The following DENND2A variants were observed in gnomAD, a reference collection of about 807,000 sequenced individuals.
The protein encoded by DENND2A is DENN domain containing 2A, also known as DENN domain-containing protein 2A.
Under a neutral mutation model 105.3 loss-of-function variants are expected in DENND2A, and 53 were observed. That is an observed-to-expected ratio of 0.50 (90% confidence interval 0.40 to 0.63). DENND2A has a LOEUF of 0.63. DENND2A is among the 30% of genes least tolerant of loss of function. DENND2A has a pLI of 0.00. For synonymous variants in DENND2A, 522 were observed against 508.4 expected, an observed-to-expected ratio of 1.03 and a Z score of -0.36; for missense variants, 1,138 against 1,279.6, an observed-to-expected ratio of 0.89 and a Z score of 1.69.
intron 6 of DENND2A, among the ~76,000 whole-genome samples, 196 bp downstream of exon 6, chr7:140,573,612 A>G (rs1798181991): frequency 6.6e-6 from 1 of 152,118 alleles, no homozygotes; most frequent in Non-Finnish European, 1.5e-5. Flanking sequence ...TAAGAGGAAG[A>G]CCACAGGACC....
rs186466777 is a variant in DENND2A, at chr7:140,631,264, C to T, written c.-248+9240G>A. On this transcript the variant is annotated intron_variant, in intron 1 of 19. Transcript: ENST00000496613. ...GTGGGGAAGGAACATGTGGATCTGC[C>T]TCGTGGGACTCTTGCATTTGTTCTG... 1.3e-3 allele frequency among the ~76,000 whole-genome samples: 205 copies of T among 152,240 alleles called. 1 individual carries two copies. The highest frequency in any genetic ancestry group is 4.8e-3 in the African/African-American group (198 of 41,548).
chr7:140,593,433 C>G (rs971874297), intron 3 of DENND2A, among the ~76,000 whole-genome samples: 6 of 152,204 alleles, frequency 3.9e-5, no homozygotes, highest in Non-Finnish European at 7.3e-5. Flanking sequence ...GCGTTATAAC[C>G]TATGTAATAG....
intron 5 of DENND2A, 77 bp from the exon 6 acceptor site, chr7:140,574,085 A>T (rs1159529604): frequency 1.1e-5 from 17 of 1,530,162 alleles, no homozygotes; most frequent in Non-Finnish European, 1.5e-5. Context: ...GGTGCCAGGG[A>T]CGAGACAATG....
intron 5 of DENND2A, among the ~76,000 whole-genome samples, chr7:140,578,709 C>T (rs1335633791): frequency 3.9e-5 from 6 of 151,910 alleles, no homozygotes; most frequent in East Asian, 1.9e-4. Context: ...GGCGAAACCC[C>T]GTCTCTACTA....
intron 14 of DENND2A, among the ~76,000 whole-genome samples, chr7:140,528,518 C>CCAGCACTTTGGGAGGCCGAGGTGAG (rs1266962049): frequency 3.3e-5 from 5 of 151,812 alleles, no homozygotes; most frequent in South Asian, 2.1e-4. Context: ...GCCTGTAATC[C>CCAGCACTTTGGGAGGCCGAGGTGAG]CAGCACTTTG....
At chr7:140,631,620 C>T (rs576956427) in intron 1 of DENND2A, among the ~76,000 whole-genome samples, 2 of 152,242 alleles carry the variant, frequency 1.3e-5, no homozygotes, top group East Asian at 3.9e-4. Flanking sequence ...CACTGGTCCC[C>T]TTCTGATATC....
intron 13 of DENND2A, among the ~76,000 whole-genome samples, chr7:140,545,848 G>C (rs974739661): frequency 6.6e-6 from 1 of 152,158 alleles, no homozygotes; most frequent in Non-Finnish European, 1.5e-5. Flanking sequence ...TTCCTCTCCA[G>C]TAACCTCCCT....
chr7:140,600,423 G>T (rs1394445831), intron 3 of DENND2A, among the ~76,000 whole-genome samples: 2 of 151,992 alleles, frequency 1.3e-5, no homozygotes, highest in African/African-American at 4.8e-5. Context: ...ATAGGTTCGG[G>T]GTGTGCTCTG....
rs1563195404 is a variant in DENND2A, at chr7:140,640,099, GCACACACTCACA to G, written c.-248+393_-248+404del. 6.5e-6 allele frequency: 1 copy of G among 152,718 alleles called. No homozygotes were observed. 9.5% of individuals were successfully genotyped at this position (152,718 alleles called of 1,614,324 possible). On this transcript the variant is annotated intron_variant, in intron 1 of 19. Transcript: ENST00000496613. This position sits in a 1 kb window ranked among gnomAD's most constrained non-coding sequence, Gnocchi z 4.9. ...CGATGCCCCGCGCTTGCACGCGCAC[GCACACACTCACA>G]CACACTCGCACAGACACACTCACAC...
chr7:140,597,764 C>G (rs1799339915), intron 3 of DENND2A, among the ~76,000 whole-genome samples: 1 of 152,240 alleles, frequency 6.6e-6, no homozygotes, highest in Non-Finnish European at 1.5e-5. Flanking sequence ...GGTGTGGGAC[C>G]TCCTTGGAGG....
chr7:140,632,554 C>A (rs1800767974), intron 1 of DENND2A, among the ~76,000 whole-genome samples: 1 of 152,182 alleles, frequency 6.6e-6, no homozygotes, highest in South Asian at 2.1e-4. Flanking sequence ...CATCAATTAA[C>A]AACTTACTTT....
At chr7:140,555,135 CTTTTT>C (rs11308626) in intron 12 of DENND2A, among the ~76,000 whole-genome samples, 2 of 118,462 alleles carry the variant, frequency 1.7e-5, no homozygotes, top group Non-Finnish European at 3.6e-5. Context: ...TTCATTAACT[CTTTTT>C]TTTTTTTTTT....
chr7:140,585,513 T>G, intron 5 of DENND2A, 76 bp downstream of exon 5: 1 of 1,589,522 alleles, frequency 6.3e-7, no homozygotes, highest in Non-Finnish European at 8.6e-7. Context: ...ATTCCAGTGC[T>G]GGCCGGAACT....
chr7:140,634,947 G>C (rs994164335), intron 1 of DENND2A, among the ~76,000 whole-genome samples: 1 of 150,108 alleles, frequency 6.7e-6, no homozygotes, highest in African/African-American at 2.5e-5. Context: ...GTGTGACAGA[G>C]CAAGACTCCG....
At chr7:140,532,699 G>T (rs1796310933) in intron 14 of DENND2A, among the ~76,000 whole-genome samples, 1 of 152,062 alleles carries the variant, frequency 6.6e-6, no homozygotes, top group African/African-American at 2.4e-5. Flanking sequence ...AGGCAGGATT[G>T]CTGCTCAGAG....
chr7:140,536,101 C>A (rs1796446912), intron 14 of DENND2A, among the ~76,000 whole-genome samples: 1 of 152,072 alleles, frequency 6.6e-6, no homozygotes, highest in Admixed American at 6.6e-5. Context: ...GCCTATAATC[C>A]CAACATTGTG....
At chr7:140,590,923 A>G (rs1295474436) in intron 3 of DENND2A, among the ~76,000 whole-genome samples, 2 of 150,748 alleles carry the variant, frequency 1.3e-5, no homozygotes, top group East Asian at 3.8e-4. Context: ...TTTACATTTG[A>G]TTTCTGACAC....
chr7:140,606,948 G>C (rs1297582990), intron 1 of DENND2A, among the ~76,000 whole-genome samples: 1 of 152,196 alleles, frequency 6.6e-6, no homozygotes, highest in Non-Finnish European at 1.5e-5. Context: ...CATGGCTCAG[G>C]TGAAGGTGCT....
rs1797003072 is a variant in DENND2A at position 140,548,751 on chromosome 7, T to C, written c.2038-1812A>G. On this transcript the variant is annotated intron_variant, in intron 12 of 19. Transcript: ENST00000496613. The stretch of plus-strand genomic sequence containing the variant: ...GCCTCAGCCTCCCGAGTAGCTGGGA[T>C]TACAGGCATGCACCACCACGCCTGG... Among the ~76,000 whole-genome samples, 4 of 150,962 alleles carry C rather than the reference T, an allele frequency of 2.6e-5. No homozygotes were observed. In the South Asian group the frequency reaches 8.4e-4, roughly 32 times the overall value.
Sources: allele counts gnomAD v4.1 joint callset (sites outside exome capture counted in the v4.1 genomes callset), GRCh38; gene constraint gnomAD v4.1.1; non-coding constraint Gnocchi (gnomAD v3.1); transcripts MANE v1.5; gene names NCBI Gene and HGNC (gene_info 2026-07-23, HGNC 2026-07-21).